MYO9B: variants seen among roughly 807,000 people sequenced by gnomAD.
MYO9B encodes the protein unconventional myosin-IXb.
Under a neutral mutation model 229.5 loss-of-function variants are expected in MYO9B, and 71 were observed. That is an observed-to-expected ratio of 0.31 (90% CI 0.26 to 0.38). The LOEUF (loss-of-function observed/expected upper bound fraction) is 0.38, where lower values mean the gene tolerates loss of function less well. Ranked by LOEUF, MYO9B falls within the 10% of genes least tolerant of loss-of-function variation. MYO9B has a pLI of 1.00. For missense variants in MYO9B, 2,255 were observed against 2,920.5 expected, an observed-to-expected ratio of 0.77 and a Z score of 5.25; for synonymous variants, 1,185 against 1,235.8, an observed-to-expected ratio of 0.96 and a Z score of 0.86.
At chr19:17,187,075 A>G (rs1202726167) in intron 18 of MYO9B, among the ~76,000 whole-genome samples, 5 of 152,102 alleles carry the variant, frequency 3.3e-5, no homozygotes, top group Non-Finnish European at 7.4e-5. Context: ...ACTGCCCACC[A>G]GAGTGAAGTC....
intron 14 of MYO9B, among the ~76,000 whole-genome samples, chr19:17,177,269 G>T: frequency 1.3e-5 from 2 of 148,780 alleles, no homozygotes; most frequent in African/African-American, 2.5e-5. Context: ...GCATTCCTCT[G>T]TTGTTTTTGT....
In MYO9B at chr19:17,210,794, A is replaced by G; in HGVS notation, c.5876A>G (p.Glu1959Gly). The change falls in exon 38 of 40, where the codon GAG becomes GGG. Residue 1959 changes from glutamate (E) to glycine (G), a missense_variant. Transcript: ENST00000682292. ...LLEEEAAGGD[E>G]DREKEILIER... The stretch of plus-strand genomic sequence containing the variant: ...GAGGAGGAGGCAGCCGGCGGCGATG[A>G]GGACCGGGAAAAGGAGATTCTCATT... 6.3e-7 allele frequency: 1 copy of G among 1,592,514 alleles called. No individual in the cohort carries two copies. The highest frequency in any genetic ancestry group is 8.5e-7 in the Non-Finnish European group (1 of 1,170,074).
At position 17,175,690 on chromosome 19, in the gene MYO9B, A is replaced by C. The variant is rs1599393852; in HGVS notation, c.2168A>C (p.His723Pro). The C allele has an allele frequency of 6.3e-7, 1 of 1,574,868 alleles. No homozygotes were observed. The highest frequency in any genetic ancestry group is 8.6e-7 in the Non-Finnish European group (1 of 1,160,702). Residue 723 changes from histidine (H) to proline (P), a missense_variant, in exon 14 of 40, where the codon CAC becomes CCC. Around this residue, in one of 7 missense-constraint regions of MYO9B, gnomAD observed 155 missense variants for 159.1 expected, o/e 0.97. Coordinates refer to ENST00000682292, the MANE Select transcript of MYO9B (RefSeq NM_004145.4). ...ATGAGCAGCCCTGGTGCCCAAAGTCACCCAGAAGAGCTGCCAAGAGGAGCC... is the reference window on the plus strand; with the variant it reads ...ATGAGCAGCCCTGGTGCCCAAAGTCCCCCAGAAGAGCTGCCAAGAGGAGCC... ...AGMSSPGAQS[H>P]PEELPRGAST...
intron 6 of MYO9B, among the ~76,000 whole-genome samples, chr19:17,155,559 C>T (rs1369992563): frequency 6.6e-6 from 1 of 152,186 alleles, no homozygotes; most frequent in African/African-American, 2.4e-5. Flanking sequence ...AGGAAGATCG[C>T]TTGAGACCAG....
intron 10 of MYO9B, 70 bp from the exon 11 acceptor site, chr19:17,167,873 C>T: frequency 2.0e-6 from 3 of 1,527,232 alleles, no homozygotes; most frequent in Admixed American, 4.0e-5. Context: ...GACCTGTATG[C>T]AATATATGTT....
At chr19:17,135,169 A>T (rs2145191343) in intron 2 of MYO9B, among the ~76,000 whole-genome samples, 1 of 152,274 alleles carries the variant, frequency 6.6e-6, no homozygotes, top group Non-Finnish European at 1.5e-5. Context: ...TTTCCTTTGG[A>T]TATATACCCA....
intron 1 of MYO9B, among the ~76,000 whole-genome samples, chr19:17,079,529 C>T (rs947252303): frequency 1.1e-4 from 16 of 152,282 alleles, no homozygotes; most frequent in Non-Finnish European, 1.8e-4. Context: ...GAGGTTGCCC[C>T]GGATAAACGT....
In MYO9B at chr19:17,102,013, A is replaced by G; in HGVS notation, c.296A>G (p.His99Arg). ...TGGCCCCGGCGGGCACAGGACGAGC[A>G]CCCTCAGGAGGATGGCTACTACTTC... ...LLWPRRAQDE[H>R]PQEDGYYFLL... The change falls in exon 2 of 40, where the codon CAC becomes CGC. Residue 99 changes from histidine (H) to arginine (R), a missense_variant. Coordinates refer to ENST00000682292, the MANE Select transcript of MYO9B (RefSeq NM_004145.4). The G allele has an allele frequency of 6.2e-7, 1 of 1,612,650 alleles. No individual in the cohort carries two copies. The highest frequency in any genetic ancestry group is 2.2e-5 in the East Asian group (1 of 44,868).
rs763961297 is a variant in MYO9B, at chr19:17,172,492, A to G, written c.1935+15A>G. On this transcript the variant is annotated intron_variant, in intron 12 of 39. Transcript: ENST00000682292. The surrounding 1 kb of genome is among the most constrained non-coding windows in gnomAD (Gnocchi z 8.2). The stretch of plus-strand genomic sequence containing the variant: ...ATCAGATCAAGGTAGGTGTCTGCCC[A>G]TCACCACTGGTGGAAGCCTGAGGGA... 9 of 1,612,432 alleles carry G rather than the reference A, an allele frequency of 5.6e-6. No individual in the cohort carries two copies. The highest frequency in any genetic ancestry group is 5.5e-5 in the South Asian group (5 of 90,766).
intron 2 of MYO9B, among the ~76,000 whole-genome samples, chr19:17,138,281 T>G (rs922194507): frequency 1.3e-5 from 2 of 152,178 alleles, no homozygotes; most frequent in Admixed American, 1.3e-4. Context: ...GTGCCACATT[T>G]TCTTAATCCA....
At position 17,168,047 on chromosome 19, in the gene MYO9B, G is replaced by T; in HGVS notation, c.1776G>T (p.Leu592=). 1.9e-6 allele frequency: 3 copies of T among 1,612,634 alleles called. No individual in the cohort carries two copies. The highest frequency in any genetic ancestry group is 2.5e-6 in the Non-Finnish European group (3 of 1,179,414). ...AGAAACCCACGGGCCTCTTCTACCT[G>T]CTGGACGAGGAGAGCAAGTGAGTGT... The part of the protein sequence containing the change: ...ISKKPTGLFY[L]LDEESNFPHA... The change falls in exon 11 of 40, where the codon CTG becomes CTT. Residue 592 remains leucine (L), a synonymous_variant. Coordinates refer to ENST00000682292, the MANE Select transcript of MYO9B (RefSeq NM_004145.4).
intron 2 of MYO9B, among the ~76,000 whole-genome samples, chr19:17,103,980 CG>C (rs2057769708): frequency 6.6e-6 from 1 of 150,826 alleles, no homozygotes; most frequent in Non-Finnish European, 1.5e-5. Flanking sequence ...CGCTTGAACC[CG>C]GTAGGTGGAG....
chr19:17,209,853 A>AT (rs1407608661), intron 36 of MYO9B, 144 bp downstream of exon 36: 4 of 1,138,516 alleles, frequency 3.5e-6, no homozygotes, highest in Non-Finnish European at 4.9e-6. Context: ...AGGACCTCCC[A>AT]TGCCGAGGAT....
intron 2 of MYO9B, among the ~76,000 whole-genome samples, chr19:17,116,921 C>T (rs146387900): frequency 4.3e-4 from 65 of 152,118 alleles, no homozygotes; most frequent in African/African-American, 9.4e-4. Flanking sequence ...ACAGCCCTGA[C>T]GTTTGGAATG....
At position 17,206,797 on chromosome 19, in the gene MYO9B, C is replaced by A; in HGVS notation, c.5492+13C>A. ...TCCACCTTGTCAAGCAAGTGCCTCC[C>A]CACCTGCCCTCTGTGGGGTTAGGGT... On this transcript the variant is annotated intron_variant, in intron 34 of 39. Coordinates refer to ENST00000682292, the MANE Select transcript of MYO9B (RefSeq NM_004145.4). 1 of 1,557,852 alleles carries A rather than the reference C, an allele frequency of 6.4e-7. No individual in the cohort carries two copies. Among genetic ancestry groups the A allele is most frequent in the East Asian group, 2.4e-5 (1 of 42,168 alleles).
intron 11 of MYO9B, among the ~76,000 whole-genome samples, chr19:17,169,599 G>A (rs1304213532): frequency 6.6e-6 from 1 of 151,980 alleles, no homozygotes; most frequent in Non-Finnish European, 1.5e-5. Context: ...TCTGGAAGCT[G>A]GAAGTCTAAA....
In MYO9B at chr19:17,206,220, C is replaced by T. The variant is rs755378776; in HGVS notation, c.5258-28C>T. 2.2e-5 allele frequency: 35 copies of T among 1,579,806 alleles called. No individual in the cohort carries two copies. In the African/African-American group the frequency reaches 4.2e-4, roughly 19 times the overall value. On this transcript the variant is annotated intron_variant, in intron 32 of 39. Coordinates refer to ENST00000682292, the MANE Select transcript of MYO9B (RefSeq NM_004145.4). Reference sequence around the variant, plus strand: ...ACAGCCGTCCTGCCAGTGCGCCGCTCACCAGACCCACCCCACCCACCCCAC... The same window carrying T: ...ACAGCCGTCCTGCCAGTGCGCCGCTTACCAGACCCACCCCACCCACCCCAC...
In MYO9B at chr19:17,101,975, C is replaced by G; in HGVS notation, c.258C>G (p.His86Gln). ...WVLDANDSPV[H>Q]RVLLWPRRAQ... ...TGGACGCCAACGACTCGCCTGTGCA[C>G]CGGGTGCTGCTATGGCCCCGGCGGG... The change falls in exon 2 of 40, where the codon CAC becomes CAG. Residue 86 changes from histidine (H) to glutamine (Q), a missense_variant. Transcript: ENST00000682292. This position sits in a 1 kb window ranked among gnomAD's most constrained non-coding sequence, Gnocchi z 4.7. The G allele has an allele frequency of 6.2e-7, 1 of 1,613,308 alleles. No homozygotes were observed. Among genetic ancestry groups the G allele is most frequent in the South Asian group, 1.1e-5 (1 of 91,078 alleles).
Position 17,172,129 on chromosome 19 carries a change from C to A in MYO9B, c.1794-207C>A, listed in dbSNP as rs550675818. 7.9e-5 allele frequency among the ~76,000 whole-genome samples: 12 copies of A among 152,214 alleles called. 1 individual carries two copies. In the South Asian group the frequency reaches 2.3e-3, roughly 29 times the overall value. On this transcript the variant is annotated intron_variant, in intron 11 of 39. Coordinates refer to ENST00000682292, the MANE Select transcript of MYO9B (RefSeq NM_004145.4). The surrounding 1 kb of genome is among the most constrained non-coding windows in gnomAD (Gnocchi z 8.2). ...CGTCCCAGCCCTCTGCCAGCATGTT[C>A]GGCATGAGGCAGGCAGGCGCACTGT...
Sources: gnomAD v4.1 joint callset for allele counts (sites outside exome capture counted in the v4.1 genomes callset) on GRCh38, gnomAD v4.1.1 for gene constraint, gnomAD v4.1.1 regional missense constraint, Gnocchi (gnomAD v3.1) non-coding constraint, MANE v1.5 for transcripts, NCBI Gene and HGNC (gene_info 2026-07-23, HGNC 2026-07-21) for gene names.